The following GRIA1 variants were observed in gnomAD, a reference collection of about 807,000 sequenced individuals.
The protein encoded by GRIA1 is glutamate ionotropic receptor AMPA type subunit 1, also known as glutamate receptor 1.
Under a neutral mutation model 99.2 loss-of-function variants are expected in GRIA1, and 31 were observed. That is an observed-to-expected ratio of 0.31 (90% CI 0.23 to 0.42). The LOEUF is 0.42. Ranked by LOEUF, GRIA1 falls within the 10% of genes least tolerant of loss-of-function variation. The pLI, the probability that GRIA1 is intolerant of heterozygous loss-of-function variation, is 1.00. For synonymous variants in GRIA1, 438 were observed against 432.4 expected, an observed-to-expected ratio of 1.01 and a Z score of -0.16; for missense variants, 782 against 1,157.5, an observed-to-expected ratio of 0.68 and a Z score of 4.71.
intron 3 of GRIA1, among the ~76,000 whole-genome samples, chr5:153,648,846 C>CCG (rs1343962178): frequency 2.6e-5 from 4 of 151,904 alleles, no homozygotes; most frequent in African/African-American, 9.7e-5. Flanking sequence ...ACACCCCCCC[C>CCG]CAAGATGTTC....
chr5:153,706,108 T>TTTTGTTTG (rs140268951), intron 11 of GRIA1, 41 bp downstream of exon 11: 240,945 of 1,346,040 alleles, frequency 0.18, 29,467 homozygotes, highest in Non-Finnish European at 0.2. Context: ...AATGCTATGG[T>TTTTGTTTG]TTTGTTTGTT....
rs777279957 is a variant in GRIA1, at chr5:153,811,109, A to C, written c.2605A>C (p.Ser869Arg). The C allele has an allele frequency of 1.1e-5, 18 of 1,614,060 alleles. No homozygotes were observed. The South Asian group carries it at 2.0e-4, about 18-fold the overall frequency. ...LPRNSGAGAS[S>R]GGSGENGRVV... ...CCGCAACAGCGGGGCAGGAGCCAGC[A>C]GCGGCGGCAGTGGAGAGAATGGTCG... is the stretch of plus-strand genomic sequence containing the variant. The change falls in exon 16 of 16, where the codon AGC (serine) becomes CGC (arginine). Residue 869 changes from serine to arginine, a missense_variant. Transcript: ENST00000285900.
In GRIA1 at chr5:153,523,508, A is replaced by G. The variant is rs570699436; in HGVS notation, c.220+29443A>G. Among the ~76,000 whole-genome samples, 3 of 77,934 alleles carry G rather than the reference A, an allele frequency of 3.8e-5. No individual in the cohort carries two copies. In the East Asian group the frequency reaches 6.5e-4, roughly 17 times the overall value. 51.1% of individuals were successfully genotyped at this position (77,934 alleles called of 152,430 possible). ...TTGACCCTGAACTCAGACTGCTTTG[A>G]ACATTTTTTTTTTTATTTATGCTTA... On this transcript the variant is annotated intron_variant, in intron 2 of 15. Transcript: ENST00000285900.
chr5:153,810,381 C>G (rs985855847), intron 15 of GRIA1, among the ~76,000 whole-genome samples: 1 of 152,214 alleles, frequency 6.6e-6, no homozygotes, highest in African/African-American at 2.4e-5. Context: ...GTCCTACATT[C>G]CCTTAACACA....
intron 2 of GRIA1, chr5:153,525,334 T>C (rs1237323427): frequency 6.6e-6 from 1 of 152,172 alleles, no homozygotes; most frequent in African/African-American, 2.4e-5. Context: ...CTAACCATCC[T>C]GTAATGCACA....
At chr5:153,682,084 A>T (rs1757012534) in intron 7 of GRIA1, among the ~76,000 whole-genome samples, 1 of 151,796 alleles carries the variant, frequency 6.6e-6, no homozygotes, top group South Asian at 2.1e-4. Flanking sequence ...ACTTCAGGGA[A>T]GCTGCATGAG....
At chr5:153,518,749 C>T (rs1289127998) in intron 2 of GRIA1, among the ~76,000 whole-genome samples, 1 of 151,982 alleles carries the variant, frequency 6.6e-6, no homozygotes, top group East Asian at 1.9e-4. Flanking sequence ...TTAGTATTAT[C>T]ACATTTAAAC....
chr5:153,609,956 T>C (rs1412079677), intron 2 of GRIA1, among the ~76,000 whole-genome samples: 1 of 152,220 alleles, frequency 6.6e-6, no homozygotes, highest in East Asian at 1.9e-4. Context: ...AAATGGAGGT[T>C]AACTATTTTA....
intron 2 of GRIA1, among the ~76,000 whole-genome samples, chr5:153,630,731 T>C (rs1049311637): frequency 3.9e-5 from 6 of 152,188 alleles, no homozygotes; most frequent in African/African-American, 1.4e-4. Flanking sequence ...TCCTTAGCTG[T>C]CTTGAAGGAG....
chr5:153,638,819 G>A (rs1753577251), intron 2 of GRIA1, among the ~76,000 whole-genome samples: 2 of 152,220 alleles, frequency 1.3e-5, no homozygotes, highest in Non-Finnish European at 2.9e-5. Context: ...TAAAAGATGG[G>A]TGGAGACTTT....
intron 2 of GRIA1, among the ~76,000 whole-genome samples, chr5:153,527,165 T>C (rs1405148429): frequency 2.0e-5 from 3 of 152,306 alleles, no homozygotes; most frequent in Non-Finnish European, 4.4e-5. Flanking sequence ...CAATCTTGAA[T>C]ACTGAAATCG....
At chr5:153,630,893 C>A (rs1409268820) in intron 2 of GRIA1, among the ~76,000 whole-genome samples, 1 of 152,142 alleles carries the variant, frequency 6.6e-6, no homozygotes, top group African/African-American at 2.4e-5. Flanking sequence ...TGAGTGTGTG[C>A]AGAACCTATG....
intron 2 of GRIA1, among the ~76,000 whole-genome samples, chr5:153,592,722 G>A (rs567165422): frequency 1.3e-5 from 2 of 152,130 alleles, no homozygotes; most frequent in African/African-American, 4.8e-5. Flanking sequence ...TCTGGTTTGG[G>A]CTGCTATAAC....
chr5:153,714,169 A>C (rs1759510533), intron 11 of GRIA1, among the ~76,000 whole-genome samples: 1 of 152,104 alleles, frequency 6.6e-6, no homozygotes, highest in African/African-American at 2.4e-5. Flanking sequence ...TAGAGAGGAT[A>C]GCTCCCCCTC....
At chr5:153,559,792 A>C (rs72800783) in intron 2 of GRIA1, among the ~76,000 whole-genome samples, 19,988 of 152,144 alleles carry the variant, frequency 0.13, 1,486 homozygotes, top group South Asian at 0.24. Context: ...AAACATCATT[A>C]CATGGTACAT....
At chr5:153,546,375 T>A (rs1242741377) in intron 2 of GRIA1, among the ~76,000 whole-genome samples, 1 of 152,184 alleles carries the variant, frequency 6.6e-6, no homozygotes, top group Non-Finnish European at 1.5e-5. Context: ...TTTTATAAAA[T>A]TTTTTGGAAG....
chr5:153,572,532 C>A (rs545381901), intron 2 of GRIA1, among the ~76,000 whole-genome samples: 1 of 152,234 alleles, frequency 6.6e-6, no homozygotes, highest in East Asian at 1.9e-4. Context: ...GGGAAGAATG[C>A]CACAATTGAT....
At chr5:153,801,956 G>T (rs910728255) in intron 14 of GRIA1, among the ~76,000 whole-genome samples, 1 of 146,050 alleles carries the variant, frequency 6.8e-6, no homozygotes, top group Non-Finnish European at 1.5e-5. Context: ...TTGGGGCGGG[G>T]GGGGGCGGGG....
At chr5:153,571,268 A>G (rs1468602058) in intron 2 of GRIA1, among the ~76,000 whole-genome samples, 1 of 152,200 alleles carries the variant, frequency 6.6e-6, no homozygotes, top group South Asian at 2.1e-4. Flanking sequence ...ATTACACAGT[A>G]CATTTGTCCA....
Sources: gnomAD v4.1 joint callset for allele counts (sites outside exome capture counted in the v4.1 genomes callset) on GRCh38, gnomAD v4.1.1 for gene constraint, MANE v1.5 for transcripts, NCBI Gene and HGNC (gene_info 2026-07-23, HGNC 2026-07-21) for gene names.